AKAP13: variants seen among roughly 807,000 people sequenced by gnomAD.
AKAP13 encodes the protein A-kinase anchoring protein 13.
In AKAP13, 80 loss-of-function variants were observed where a neutral mutation model predicts 264.5. The ratio of observed to expected loss-of-function variants is 0.30; its 90% CI spans 0.25 to 0.36. The LOEUF (loss-of-function observed/expected upper bound fraction) is 0.36, where lower values mean the gene tolerates loss of function less well. AKAP13 is among the 10% of genes least tolerant of loss of function. The pLI, the probability that AKAP13 is intolerant of heterozygous loss-of-function variation, is 1.00. For missense variants in AKAP13, 3,712 were observed against 3,435.2 expected (o/e 1.08, Z -2.01); for synonymous variants, 1,380 against 1,250.2 (o/e 1.10, Z -2.19).
intron 1 of AKAP13, among the ~76,000 whole-genome samples, chr15:85,453,918 C>G (rs1173077613): frequency 2.0e-5 from 3 of 151,488 alleles, no homozygotes; most frequent in Non-Finnish European, 4.4e-5. Context: ...GGTAGAGCAG[C>G]TGTGCTGTGC....
rs368555328 is a variant in AKAP13 at position 85,727,280 on chromosome 15, C to G, written c.7004+33C>G. On this transcript the variant is annotated intron_variant, in intron 28 of 36. Transcript: ENST00000394518. This position sits in a 1 kb window ranked among gnomAD's most constrained non-coding sequence, Gnocchi z 5.3. ...AACCACCAGGCCCCACCCTTCCCAG[C>G]CCTCCTGATGTCTCTGTGTGATTTC... is the stretch of plus-strand genomic sequence containing the variant. 4.3e-6 allele frequency: 7 copies of G among 1,613,336 alleles called. No homozygotes were observed. The African/African-American group carries it at 9.3e-5, about 22-fold the overall frequency.
At chr15:85,567,713 C>T (rs2078653590) in intron 5 of AKAP13, among the ~76,000 whole-genome samples, 1 of 152,070 alleles carries the variant, frequency 6.6e-6, no homozygotes, top group African/African-American at 2.4e-5. Flanking sequence ...TTTTATGTAA[C>T]ATGGCCCAAA....
intron 5 of AKAP13, among the ~76,000 whole-genome samples, chr15:85,568,372 A>C (rs1410236404): frequency 6.6e-6 from 1 of 152,178 alleles, no homozygotes; most frequent in Non-Finnish European, 1.5e-5. Context: ...TCCATAGAGA[A>C]AAGAATGGAA....
At chr15:85,690,307 G>A (rs530090837) in intron 16 of AKAP13, among the ~76,000 whole-genome samples, 6 of 152,310 alleles carry the variant, frequency 3.9e-5, no homozygotes, top group African/African-American at 1.4e-4. Context: ...TTTTTTAAAC[G>A]ATTGAAGTAT....
chr15:85,433,084 T>C lies in AKAP13; in HGVS notation c.-12+52286T>C, dbSNP rs144793961. Among the ~76,000 whole-genome samples, 410 of 150,862 alleles carry C rather than the reference T, an allele frequency of 2.7e-3. 4 individuals are homozygous for C. Among genetic ancestry groups the C allele is most frequent in the African/African-American group, 8.4e-3 (344 of 41,076 alleles). ...TCATATACCATTATTTTCTCCTTTTTCCCCCCTTTAACACTGTGTTCCCTT... is the reference window on the plus strand; with the variant it reads ...TCATATACCATTATTTTCTCCTTTTCCCCCCCTTTAACACTGTGTTCCCTT... On this transcript the variant is annotated intron_variant, in intron 1 of 36. Coordinates refer to ENST00000394518, the MANE Select transcript of AKAP13 (RefSeq NM_007200.5).
intron 10 of AKAP13, among the ~76,000 whole-genome samples, chr15:85,647,283 A>C (rs2082601615): frequency 6.6e-6 from 1 of 152,316 alleles, no homozygotes; most frequent in East Asian, 1.9e-4. Context: ...CTGTAACCTC[A>C]GCTACTCTGG....
Position 85,693,296 on chromosome 15 carries a change from A to T in AKAP13, c.5309A>T (p.Asp1770Val), listed in dbSNP as rs1347849052. The T allele has an allele frequency of 6.3e-7, 1 of 1,594,752 alleles. No homozygotes were observed. The highest frequency in any genetic ancestry group is 1.4e-5 in the African/African-American group (1 of 73,244). Residue 1770 changes from aspartate to valine, a missense_variant, in exon 17 of 37, where the codon GAT becomes GTT. Coordinates refer to ENST00000394518, the MANE Select transcript of AKAP13 (RefSeq NM_007200.5). ...CGGCAGGAAAAGGAAAAAGAAAAAG[A>T]TAAGATTAAGGAGAAGGAGAAAGAT... is the stretch of plus-strand genomic sequence containing the variant. ...KKSKEKEKEK[D>V]KIKEKEKDSK...
chr15:85,703,252 AG>A (rs2086033333), intron 17 of AKAP13, among the ~76,000 whole-genome samples: 1 of 152,258 alleles, frequency 6.6e-6, no homozygotes. Flanking sequence ...AGTTGATTAA[AG>A]GAAGGAAGTT....
chr15:85,391,085 G>A (rs1182589013), intron 1 of AKAP13, among the ~76,000 whole-genome samples: 1 of 152,138 alleles, frequency 6.6e-6, no homozygotes, highest in African/African-American at 2.4e-5. Flanking sequence ...GGGGCTCATG[G>A]CATAGTAGTT....
intron 1 of AKAP13, among the ~76,000 whole-genome samples, chr15:85,396,771 A>G (rs1031146220): frequency 1.3e-5 from 2 of 152,210 alleles, no homozygotes; most frequent in Non-Finnish European, 2.9e-5. Context: ...AATTGCAGAA[A>G]TAGGACTGCA....
rs190232804 is a variant in AKAP13 at position 85,679,983 on chromosome 15, A to G, written c.5102-2175A>G. Among the ~76,000 whole-genome samples, 29 of 152,290 alleles carry G rather than the reference A, an allele frequency of 1.9e-4. No homozygotes were observed. The East Asian group carries it at 5.0e-3, about 26-fold the overall frequency. On this transcript the variant is annotated intron_variant, in intron 14 of 36. Coordinates refer to ENST00000394518, the MANE Select transcript of AKAP13 (RefSeq NM_007200.5). ...AAAAGGTCATCATAACTTAACTAAA[A>G]TTTTTAGCAGTGGAAAAGTTGAAAA...
chr15:85,598,082 ATTTC>A (rs776123539), intron 8 of AKAP13, among the ~76,000 whole-genome samples: 22 of 152,204 alleles, frequency 1.4e-4, no homozygotes, highest in African/African-American at 4.8e-4. Flanking sequence ...GACATCATTA[ATTTC>A]TTTCTTTGTC....
intron 13 of AKAP13, among the ~76,000 whole-genome samples, chr15:85,666,303 T>C (rs574503998): frequency 7.2e-5 from 11 of 152,344 alleles, no homozygotes; most frequent in African/African-American, 2.6e-4. Flanking sequence ...TTCATGTGTC[T>C]GTTGGCTGCA....
intron 1 of AKAP13, among the ~76,000 whole-genome samples, chr15:85,406,505 C>T (rs1034802937): frequency 5.3e-5 from 8 of 150,428 alleles, no homozygotes; most frequent in African/African-American, 2.0e-4. Context: ...CATATGTGTC[C>T]AGCAAGCATT....
chr15:85,493,924 C>A (rs973580720), intron 2 of AKAP13, among the ~76,000 whole-genome samples: 1 of 152,212 alleles, frequency 6.6e-6, no homozygotes, highest in Non-Finnish European at 1.5e-5. Context: ...ACAATGCCCC[C>A]TTAAACCTCA....
chr15:85,528,186 A>G (rs1179820071), intron 3 of AKAP13, among the ~76,000 whole-genome samples: 4 of 152,198 alleles, frequency 2.6e-5, no homozygotes, highest in African/African-American at 9.7e-5. Context: ...AGCCTGCAGG[A>G]GAGCTCTCCC....
intron 10 of AKAP13, among the ~76,000 whole-genome samples, chr15:85,648,168 A>T (rs1468608674): frequency 1.3e-5 from 2 of 152,266 alleles, no homozygotes; most frequent in Non-Finnish European, 2.9e-5. Context: ...AACAGATTAG[A>T]TAGTATCTCT....
chr15:85,399,519 A>AAT (rs2071302907), intron 1 of AKAP13, among the ~76,000 whole-genome samples: 140 of 124,590 alleles, frequency 1.1e-3, no homozygotes, highest in South Asian at 6.9e-3. Context: ...AAAAAAAAAA[A>AAT]AAATAAAAAA....
intron 6 of AKAP13, among the ~76,000 whole-genome samples, chr15:85,576,540 G>C (rs2079021727): frequency 6.6e-6 from 1 of 152,022 alleles, no homozygotes; most frequent in Non-Finnish European, 1.5e-5. Context: ...ACATCTGAAA[G>C]GCTGTGTTTA....
Sources: allele counts gnomAD v4.1 joint callset (sites outside exome capture counted in the v4.1 genomes callset), GRCh38; gene constraint gnomAD v4.1.1; non-coding constraint Gnocchi (gnomAD v3.1); transcripts MANE v1.5; gene names NCBI Gene and HGNC (gene_info 2026-07-23, HGNC 2026-07-21).